MAPRE2: variants seen among roughly 807,000 people sequenced by gnomAD.
MAPRE2 encodes the protein microtubule-associated protein RP/EB family member 2.
In MAPRE2, 13 loss-of-function variants were observed where a neutral mutation model predicts 43.2. The observed-to-expected ratio is 0.30, with a 90% CI of 0.20 to 0.48. The LOEUF (loss-of-function observed/expected upper bound fraction) is 0.48. MAPRE2 is among the 20% of genes least tolerant of loss of function. The probability of loss-of-function intolerance (pLI) is 0.99; values close to 1 mark genes in which losing one functional copy is unlikely to be tolerated. For missense variants in MAPRE2, 161 were observed against 400.2 expected (o/e 0.40, Z 5.10); for synonymous variants, 135 against 148.8 (o/e 0.91, Z 0.68).
chr18:35,137,726 T>C (rs1247885053), intron 6 of MAPRE2, among the ~76,000 whole-genome samples: 1 of 152,114 alleles, frequency 6.6e-6, no homozygotes, highest in African/African-American at 2.4e-5. Flanking sequence ...GAGAGACAGA[T>C]GTGTAGCCAC....
At chr18:35,106,815 T>C (rs998399336) in intron 4 of MAPRE2, among the ~76,000 whole-genome samples, 1 of 152,108 alleles carries the variant, frequency 6.6e-6, no homozygotes, top group Non-Finnish European at 1.5e-5. Flanking sequence ...AGTTGCATCT[T>C]GAATTGGTTT....
At chr18:35,049,046 G>C (rs552488432) in intron 1 of MAPRE2, among the ~76,000 whole-genome samples, 2 of 151,996 alleles carry the variant, frequency 1.3e-5, no homozygotes, top group Admixed American at 6.6e-5. Flanking sequence ...AGTAATACTT[G>C]TTTTTGTTTT....
chr18:35,023,149 AG>A (rs1368877093), intron 2 of MAPRE2, among the ~76,000 whole-genome samples: 2 of 152,238 alleles, frequency 1.3e-5, no homozygotes, highest in Non-Finnish European at 2.9e-5. Flanking sequence ...ATAATAGTTA[AG>A]AAAGATGTTT....
At chr18:34,984,879 G>A (rs1225494066) in intron 1 of MAPRE2, among the ~76,000 whole-genome samples, 23 of 66,132 alleles carry the variant, frequency 3.5e-4, no homozygotes, top group East Asian at 2.4e-3. Context: ...TATATTTTAT[G>A]TTATATAATA....
At chr18:35,060,157 G>A (rs754127519) in intron 1 of MAPRE2, among the ~76,000 whole-genome samples, 2 of 152,198 alleles carry the variant, frequency 1.3e-5, no homozygotes, top group African/African-American at 2.4e-5. Context: ...TGGGGGCAGC[G>A]TGGGCATGAC....
At chr18:35,009,975 T>C (rs1330647929) in intron 2 of MAPRE2, among the ~76,000 whole-genome samples, 1 of 152,214 alleles carries the variant, frequency 6.6e-6, no homozygotes, top group Non-Finnish European at 1.5e-5. Flanking sequence ...ATCTAAACCA[T>C]AGAGGTAGTA....
At chr18:34,999,407 A>T (rs896403528) in intron 1 of MAPRE2, among the ~76,000 whole-genome samples, 24 of 152,362 alleles carry the variant, frequency 1.6e-4, no homozygotes, top group Admixed American at 8.5e-4. Context: ...TAGAAAGGGC[A>T]ATCTTAAAAA....
chr18:35,133,761 T>G (rs1910267590), intron 6 of MAPRE2, among the ~76,000 whole-genome samples: 1 of 152,184 alleles, frequency 6.6e-6, no homozygotes, highest in Non-Finnish European at 1.5e-5. Flanking sequence ...AATGAAGTGT[T>G]GGAGAGGTCC....
intron 4 of MAPRE2, among the ~76,000 whole-genome samples, chr18:35,124,335 C>T (rs1909815948): frequency 6.6e-6 from 1 of 152,178 alleles, no homozygotes; most frequent in Non-Finnish European, 1.5e-5. Flanking sequence ...ATGGAGGTAA[C>T]CGCCCCCCAT....
intron 1 of MAPRE2, among the ~76,000 whole-genome samples, chr18:34,992,615 A>G (rs1357126168): frequency 6.6e-6 from 1 of 152,224 alleles, no homozygotes; most frequent in Non-Finnish European, 1.5e-5. Flanking sequence ...ATAATAGAAA[A>G]TAGAGTGGGA....
At chr18:35,010,363 A>C (rs1488251823) in intron 2 of MAPRE2, among the ~76,000 whole-genome samples, 1 of 152,242 alleles carries the variant, frequency 6.6e-6, no homozygotes, top group Non-Finnish European at 1.5e-5. Context: ...CCGTGATTGT[A>C]CCACTGCATA....
intron 2 of MAPRE2, among the ~76,000 whole-genome samples, chr18:35,014,877 C>A (rs1378427219): frequency 6.6e-6 from 1 of 152,138 alleles, no homozygotes; most frequent in Non-Finnish European, 1.5e-5. Flanking sequence ...CGTTGTAAAT[C>A]CATGGCATTG....
At chr18:35,049,537 C>T (rs1453959432) in intron 1 of MAPRE2, among the ~76,000 whole-genome samples, 1 of 152,098 alleles carries the variant, frequency 6.6e-6, no homozygotes, top group Non-Finnish European at 1.5e-5. Context: ...ATAAATATTG[C>T]ACAGCCCTCC....
At chr18:35,044,066 GC>G (rs1179347603) in intron 1 of MAPRE2, among the ~76,000 whole-genome samples, 2 of 152,126 alleles carry the variant, frequency 1.3e-5, no homozygotes, top group Non-Finnish European at 2.9e-5. Flanking sequence ...GTTTGGTATG[GC>G]CCTCAACAAT....
In MAPRE2 at chr18:35,121,802, GA is replaced by G. The variant is rs531847374; in HGVS notation, c.611-5145del. 1.6e-4 allele frequency among the ~76,000 whole-genome samples: 24 copies of G among 152,348 alleles called. 1 individual carries two copies. Among genetic ancestry groups the G allele is most frequent in the Admixed American group, 1.4e-3 (22 of 15,306 alleles). Reference sequence around the variant, plus strand: ...TCTGGGAAGCAAGAAGATAGCTATTGAGGACTTCAGTATCTAAAACCAGGAT... The same window carrying G: ...TCTGGGAAGCAAGAAGATAGCTATTGGGACTTCAGTATCTAAAACCAGGAT... On this transcript the variant is annotated intron_variant, in intron 4 of 6. Coordinates refer to ENST00000300249, the MANE Select transcript of MAPRE2 (RefSeq NM_014268.4).
chr18:34,993,945 T>C (rs1020639857), intron 1 of MAPRE2, among the ~76,000 whole-genome samples: 1 of 151,958 alleles, frequency 6.6e-6, no homozygotes, highest in Non-Finnish European at 1.5e-5. Context: ...TTGGAGATGA[T>C]CTCATTTAAT....
chr18:35,129,558 A>G (rs1041640206), intron 5 of MAPRE2, among the ~76,000 whole-genome samples: 1 of 152,266 alleles, frequency 6.6e-6, no homozygotes, highest in Non-Finnish European at 1.5e-5. Context: ...AGGAAAAGTC[A>G]TAAAGAAAGT....
intron 4 of MAPRE2, among the ~76,000 whole-genome samples, chr18:35,113,857 A>C (rs1042624947): frequency 6.6e-6 from 1 of 152,206 alleles, no homozygotes; most frequent in African/African-American, 2.4e-5. Flanking sequence ...ATGCCACTAC[A>C]CTCCAACCTG....
intron 2 of MAPRE2, among the ~76,000 whole-genome samples, chr18:35,094,044 A>C (rs1485828668): frequency 2.0e-5 from 3 of 152,198 alleles, no homozygotes; most frequent in Non-Finnish European, 4.4e-5. Flanking sequence ...CACAAGGTTA[A>C]ATAAGCAATG....
Sources: gnomAD v4.1 joint callset for allele counts (sites outside exome capture counted in the v4.1 genomes callset) on GRCh38, gnomAD v4.1.1 for gene constraint, MANE v1.5 for transcripts, NCBI Gene and HGNC (gene_info 2026-07-23, HGNC 2026-07-21) for gene names.